The following RREB1 variants were observed in gnomAD, a reference collection of about 807,000 sequenced individuals.
The protein encoded by RREB1 is ras-responsive element-binding protein 1.
Under a neutral mutation model 117.8 loss-of-function variants are expected in RREB1, and 27 were observed. That is an observed-to-expected ratio of 0.23 (90% CI 0.17 to 0.32). The LOEUF (loss-of-function observed/expected upper bound fraction) is 0.32, where lower values mean the gene tolerates loss of function less well. Ranked by LOEUF, RREB1 falls within the 10% of genes least tolerant of loss-of-function variation. RREB1 has a pLI of 1.00. For missense variants in RREB1, 2,577 were observed against 2,378.2 expected (o/e 1.08, Z -1.74); for synonymous variants, 1,298 against 1,026.7 (o/e 1.26, Z -5.05).
chr6:7,223,610 A>T (rs1411709764), intron 8 of RREB1, among the ~76,000 whole-genome samples: 1 of 151,540 alleles, frequency 6.6e-6, no homozygotes, highest in Non-Finnish European at 1.5e-5. Flanking sequence ...CTAGGATACA[A>T]GGAAAAAAAT....
At chr6:7,169,554 T>A (rs980142300) in intron 1 of RREB1, among the ~76,000 whole-genome samples, 9 of 152,198 alleles carry the variant, frequency 5.9e-5, no homozygotes, top group African/African-American at 2.2e-4. Context: ...GGCTGCTGTG[T>A]CCCCTCCCAG....
chr6:7,197,580 C>T (rs1270616658), intron 6 of RREB1, among the ~76,000 whole-genome samples: 1 of 152,170 alleles, frequency 6.6e-6, no homozygotes, highest in Non-Finnish European at 1.5e-5. Flanking sequence ...AAGTTGAGTT[C>T]ACTTGAACTC....
Position 7,249,028 on chromosome 6 carries a change from G to A in RREB1, c.*60G>A. 1 of 1,340,700 alleles carries A rather than the reference G, an allele frequency of 7.5e-7. No homozygotes were observed. 83.1% of individuals were successfully genotyped at this position (1,340,700 alleles called of 1,614,324 possible). A position where few individuals can be genotyped will look rare whatever the true frequency, so the allele number is the denominator to read the frequency against. On this transcript the variant is annotated 3_prime_UTR_variant, in exon 13 of 13. Transcript: ENST00000379938. ...GCAGAGCAAAGCGTCTATACTTCAT[G>A]GGGTTTCCTCAGTGCCCTTTGGCTG...
intron 1 of RREB1, among the ~76,000 whole-genome samples, chr6:7,142,951 GGAAGCTTCCCAGGC>G (rs1342661885): frequency 1.3e-5 from 2 of 152,194 alleles, no homozygotes; most frequent in Non-Finnish European, 2.9e-5. Flanking sequence ...CTGGGGCATT[GGAAGCTTCCCAGGC>G]GATGCAAATA....
At chr6:7,245,140 A>C (rs1768927851) in intron 11 of RREB1, among the ~76,000 whole-genome samples, 2 of 152,244 alleles carry the variant, frequency 1.3e-5, no homozygotes, top group South Asian at 4.1e-4. Flanking sequence ...TCACGCCTGT[A>C]ATCCCAGCAC....
chr6:7,222,295 A>C (rs901943585), intron 8 of RREB1, among the ~76,000 whole-genome samples: 1 of 152,166 alleles, frequency 6.6e-6, no homozygotes, highest in African/African-American at 2.4e-5. Context: ...GGGGTGATCT[A>C]GGAGTCTGCT....
chr6:7,134,699 A>G (rs1159608039), intron 1 of RREB1, among the ~76,000 whole-genome samples: 1 of 152,196 alleles, frequency 6.6e-6, no homozygotes, highest in African/African-American at 2.4e-5. Context: ...ATTGATTTCT[A>G]GATGCTTGAT....
chr6:7,119,943 A>C (rs1761598586), intron 1 of RREB1, among the ~76,000 whole-genome samples: 1 of 152,084 alleles, frequency 6.6e-6, no homozygotes, highest in South Asian at 2.1e-4. Context: ...GCGATGAGGA[A>C]GGGTCGTGGA....
chr6:7,136,609 A>G (rs1358185620), intron 1 of RREB1, among the ~76,000 whole-genome samples: 1 of 152,200 alleles, frequency 6.6e-6, no homozygotes, highest in African/African-American at 2.4e-5. Flanking sequence ...TCATGAATAT[A>G]TAATTAACTT....
intron 1 of RREB1, among the ~76,000 whole-genome samples, chr6:7,138,469 C>T (rs1762432752): frequency 6.6e-6 from 1 of 152,204 alleles, no homozygotes; most frequent in Admixed American, 6.5e-5. Flanking sequence ...AAAAGAATCT[C>T]CCCTCAAACT....
intron 11 of RREB1, among the ~76,000 whole-genome samples, chr6:7,245,689 A>G (rs1768962248): frequency 6.6e-6 from 1 of 152,198 alleles, no homozygotes; most frequent in East Asian, 1.9e-4. Flanking sequence ...CCTGGAACCC[A>G]GAACCCCTTG....
chr6:7,247,469 C>T (rs556212295), intron 12 of RREB1, among the ~76,000 whole-genome samples: 3 of 152,300 alleles, frequency 2.0e-5, no homozygotes, highest in African/African-American at 7.2e-5. Flanking sequence ...ACGCTGTGAT[C>T]CGCCTTTAGC....
intron 8 of RREB1, among the ~76,000 whole-genome samples, chr6:7,221,007 C>T (rs1213809198): frequency 6.6e-6 from 1 of 152,152 alleles, no homozygotes; most frequent in Non-Finnish European, 1.5e-5. Flanking sequence ...AACAAGGTTG[C>T]AAAGCTTTCT....
chr6:7,114,276 C>T (rs1327824259), intron 1 of RREB1, among the ~76,000 whole-genome samples: 1 of 152,140 alleles, frequency 6.6e-6, no homozygotes, highest in East Asian at 1.9e-4. Context: ...CACACACCAC[C>T]ACGCCCAGCT....
chr6:7,215,791 T>G (rs931206204), intron 8 of RREB1: 1 of 152,268 alleles, frequency 6.6e-6, no homozygotes, highest in African/African-American at 2.4e-5. Flanking sequence ...ATGTACTGAC[T>G]CTTTGAAATC....
At position 7,147,905 on chromosome 6, in the gene RREB1, A is replaced by G. The variant is rs1168100208; in HGVS notation, c.-284-28750A>G. ...AAGCTGCGTGTATTCATTCCAAACT[A>G]TTATTGGCTTGGTAGACAGTATTCA... is the stretch of plus-strand genomic sequence containing the variant. On this transcript the variant is annotated intron_variant, in intron 1 of 12. Transcript: ENST00000379938. Among the ~76,000 whole-genome samples, 5 of 152,302 alleles carry G rather than the reference A, an allele frequency of 3.3e-5. 1 individual carries two copies.
intron 10 of RREB1, among the ~76,000 whole-genome samples, chr6:7,233,839 C>G (rs975243614): frequency 2.6e-5 from 4 of 152,050 alleles, no homozygotes; most frequent in African/African-American, 9.7e-5. Flanking sequence ...GGTCATGGAG[C>G]CACCGCTGGA....
At position 7,117,407 on chromosome 6, in the gene RREB1, T is replaced by G. The variant is rs1262282834; in HGVS notation, c.-285+9347T>G. Among the ~76,000 whole-genome samples, 6 of 130,232 alleles carry G rather than the reference T, an allele frequency of 4.6e-5. No individual in the cohort carries two copies. In the South Asian group the frequency reaches 1.1e-3, roughly 24 times the overall value. The allele number at this position is 130,232 out of a possible 152,430, so 85.4% of individuals were successfully genotyped here. A position where few individuals can be genotyped will look rare whatever the true frequency, so the allele number is the denominator to read the frequency against. On this transcript the variant is annotated intron_variant, in intron 1 of 12. Transcript: ENST00000379938. ...TTTCCTGTTTTTTTTTTTTTTTTTT[T>G]TTTTTTTTTTTTTTTTTTGAGACGA... is the stretch of plus-strand genomic sequence containing the variant.
intron 1 of RREB1, among the ~76,000 whole-genome samples, chr6:7,163,616 G>A (rs369557535): frequency 4.6e-5 from 7 of 151,986 alleles, no homozygotes; most frequent in Non-Finnish European, 1.0e-4. Context: ...GGATGGTCTC[G>A]ATCTCCTGAC....
Sources: gnomAD v4.1 joint callset for allele counts (sites outside exome capture counted in the v4.1 genomes callset) on GRCh38, gnomAD v4.1.1 for gene constraint, MANE v1.5 for transcripts, NCBI Gene and HGNC (gene_info 2026-07-23, HGNC 2026-07-21) for gene names.